EPHA1: variants seen among roughly 807,000 people sequenced by gnomAD.
EPHA1 encodes the protein EPH receptor A1.
In EPHA1, 92 loss-of-function variants were observed where a neutral mutation model predicts 110.1. The observed-to-expected ratio is 0.84, with a 90% confidence interval of 0.71 to 0.99. EPHA1 has a LOEUF of 0.99. Ranked by LOEUF, EPHA1 falls within the 50% of genes least tolerant of loss-of-function variation. EPHA1 has a pLI of 0.00. For missense variants in EPHA1, 1,204 were observed against 1,285.4 expected, an observed-to-expected ratio of 0.94 and a Z score of 0.97; for synonymous variants, 500 against 516.1, an observed-to-expected ratio of 0.97 and a Z score of 0.42.
Position 143,398,660 on chromosome 7 carries a change from G to T in EPHA1, c.1277C>A (p.Ser426Ter), listed in dbSNP as rs1805328001. The change falls in exon 6 of 18, where the codon TCA becomes TAA. Residue 426 changes from serine (S) to a stop codon, truncating the protein, a stop_gained. Coordinates refer to ENST00000275815, the MANE Select transcript of EPHA1 (RefSeq NM_005232.5). LOFTEE classifies it high-confidence loss of function. ...GGCATGGCCAGAGCTGCCCAGCCCT[G>T]ACACTCCATTTTGGGCTTCCACATT... ...TFNVEAQNGV[S>*]GLGSSGHAST... is the part of the protein sequence containing the mutation. The T allele has an allele frequency of 6.2e-7, 1 of 1,613,972 alleles. No individual in the cohort carries two copies. The highest frequency in any genetic ancestry group is 1.3e-5 in the African/African-American group (1 of 74,912).
chr7:143,400,377 A>G (rs915277508), intron 3 of EPHA1, among the ~76,000 whole-genome samples: 1 of 152,216 alleles, frequency 6.6e-6, no homozygotes, highest in Non-Finnish European at 1.5e-5. Flanking sequence ...AGTCCATACA[A>G]TTTCTGCTAT....
intron 1 of EPHA1, among the ~76,000 whole-genome samples, chr7:143,408,502 C>A (rs968221284): frequency 2.0e-5 from 3 of 151,914 alleles, no homozygotes; most frequent in Admixed American, 6.6e-5. Context: ...TGCTGGCCTG[C>A]GGGAGTGGGG....
chr7:143,394,810 G>T lies in EPHA1; in HGVS notation c.2350C>A (p.Gln784Lys). ...LDDFDGTYET[Q>K]GGKIPIRWTA... ...CTGGGTTTGTACCGGCCTCTAACCT[G>T]GGTTTCGTATGTGCCATCAAAGTCA... The change falls in exon 14 of 18, where the codon CAG becomes AAG. Residue 784 changes from glutamine to lysine, a missense_variant and splice_region_variant. By Grantham distance (53) the Gln-to-Lys change is moderately conservative (BLOSUM62 1). Coordinates refer to ENST00000275815, the MANE Select transcript of EPHA1 (RefSeq NM_005232.5). 6.2e-7 allele frequency: 1 copy of T among 1,614,090 alleles called. No individual in the cohort carries two copies. Among genetic ancestry groups the T allele is most frequent in the South Asian group, 1.1e-5 (1 of 91,078 alleles).
Position 143,391,151 on chromosome 7 carries a change from A to T in EPHA1, c.*306T>A. 5.2e-6 allele frequency: 2 copies of T among 382,064 alleles called. No homozygotes were observed. Among genetic ancestry groups the T allele is most frequent in the Non-Finnish European group, 9.5e-6 (2 of 209,684 alleles). The allele number at this position is 382,064 out of a possible 1,614,324, so 23.7% of individuals were successfully genotyped here. ...CTCTTTTGTAGTGCCTGCAGCCCTC[A>T]TGGGTGGGATGGAGGCAGAAAATCA... On this transcript the variant is annotated 3_prime_UTR_variant, in exon 18 of 18. Coordinates refer to ENST00000275815, the MANE Select transcript of EPHA1 (RefSeq NM_005232.5).
At chr7:143,397,540 G>T (rs766683764) in intron 9 of EPHA1, 21 bp downstream of exon 9, 57 of 1,612,910 alleles carry the variant, frequency 3.5e-5, no homozygotes, top group South Asian at 1.9e-4. Flanking sequence ...TGGTGGTTGG[G>T]GAGGGGGCAG....
intron 3 of EPHA1, 40 bp from the exon 4 acceptor site, chr7:143,400,093 G>A (rs1364621220): frequency 6.5e-7 from 1 of 1,545,202 alleles, no homozygotes; most frequent in Non-Finnish European, 8.7e-7. Context: ...CAATGGCAAA[G>A]TCCTGCTTCT....
chr7:143,393,705 G>C lies in EPHA1; in HGVS notation c.2662C>G (p.His888Asp), dbSNP rs537988053. 1.9e-6 allele frequency: 3 copies of C among 1,613,918 alleles called. No homozygotes were observed. Among genetic ancestry groups the C allele is most frequent in the Non-Finnish European group, 2.5e-6 (3 of 1,179,960 alleles). The change falls in exon 16 of 18, where the codon CAC becomes GAC. Residue 888 changes from histidine to aspartate, a missense_variant. Transcript: ENST00000275815. The surrounding 1 kb of genome is among the most constrained non-coding windows in gnomAD (Gnocchi z 5.6). ...AHLEQLLANP[H>D]SLRTIANFDP... is the part of the protein sequence containing the mutation. ...AAGTTGGCAATGGTCCGCAGGGAGT[G>C]GGGGTTGGCAAGCAGTTGCTCCAGA...
chr7:143,401,998 T>G lies in EPHA1; in HGVS notation c.151-393A>C, dbSNP rs1805433174. On this transcript the variant is annotated intron_variant, in intron 2 of 17. Coordinates refer to ENST00000275815, the MANE Select transcript of EPHA1 (RefSeq NM_005232.5). This position sits in a 1 kb window ranked among gnomAD's most constrained non-coding sequence, Gnocchi z 4.1. ...TCGTTCTGTCTGCAGCGCAGTGGTA[T>G]AATCAAAGCTCACTATAGCCTCAAA... 6.6e-6 allele frequency among the ~76,000 whole-genome samples: 1 copy of G among 152,112 alleles called. No individual in the cohort carries two copies. The highest frequency in any genetic ancestry group is 1.5e-5 in the Non-Finnish European group (1 of 68,010).
Position 143,399,760 on chromosome 7 carries a change from T to C in EPHA1, c.726A>G (p.Ser242=), listed in dbSNP as rs755619570. The part of the protein sequence containing the change: ...LPHARASPRP[S]GAPRMHCSPD... Reference sequence around the variant, plus strand: ...GGCTGCAGTGCATGCGGGGTGCACCTGAGGGCCTGGGGCTGGCCCGCGCGT... The same window carrying C: ...GGCTGCAGTGCATGCGGGGTGCACCCGAGGGCCTGGGGCTGGCCCGCGCGT... The change falls in exon 4 of 18, where the codon TCA becomes TCG. Residue 242 remains serine, a synonymous_variant. Coordinates refer to ENST00000275815, the MANE Select transcript of EPHA1 (RefSeq NM_005232.5). 1.2e-6 allele frequency: 2 copies of C among 1,613,338 alleles called. No homozygotes were observed. The highest frequency in any genetic ancestry group is 1.7e-6 in the Non-Finnish European group (2 of 1,179,918).
In EPHA1 at chr7:143,398,583, C is replaced by G. The variant is rs933899257; in HGVS notation, c.1336+18G>C. The stretch of plus-strand genomic sequence containing the variant: ...TGTCTCCACCAGGTCCCTGTCCCAG[C>G]CCCTCTCAGCCTCTCACCTGCATGC... On this transcript the variant is annotated intron_variant, in intron 6 of 17. Coordinates refer to ENST00000275815, the MANE Select transcript of EPHA1 (RefSeq NM_005232.5). The G allele has an allele frequency of 1.1e-5, 17 of 1,609,468 alleles. No homozygotes were observed. The highest frequency in any genetic ancestry group is 1.7e-5 in the Admixed American group (1 of 59,884).
chr7:143,394,384 C>G (rs1319863905), intron 14 of EPHA1, 41 bp from the exon 15 acceptor site: 1 of 1,579,258 alleles, frequency 6.3e-7, no homozygotes, highest in East Asian at 2.2e-5. Context: ...GTTATGGTGT[C>G]CACCTGAGCA....
chr7:143,397,939 C>T lies in EPHA1; in HGVS notation c.1596G>A (p.Glu532=). 8 of 1,614,090 alleles carry T rather than the reference C, an allele frequency of 5.0e-6. No homozygotes were observed. Among genetic ancestry groups the T allele is most frequent in the Non-Finnish European group, 6.8e-6 (8 of 1,179,970 alleles). The change falls in exon 8 of 18, where the codon GAG becomes GAA. Residue 532 remains glutamate, a synonymous_variant. Coordinates refer to ENST00000275815, the MANE Select transcript of EPHA1 (RefSeq NM_005232.5). ...CCCCACCTGGTGGGCTGGTCCGAAA[C>T]TCATGATCAGGGGAGAAAGGGCCAG... ...LGPGPFSPDH[E]FRTSPPVSRG...
At position 143,398,816 on chromosome 7, in the gene EPHA1, T is replaced by G; in HGVS notation, c.1121A>C (p.Gln374Pro). 1 of 1,613,484 alleles carries G rather than the reference T, an allele frequency of 6.2e-7. No homozygotes were observed. Among genetic ancestry groups the G allele is most frequent in the Non-Finnish European group, 8.5e-7 (1 of 1,179,966 alleles). ...GGGCCCCCCGTCCTGTGCTGTGCCC[T>G]GACACTGGGAACACCTCACACTGTA... is the stretch of plus-strand genomic sequence containing the variant. Reference protein sequence around the residue: ...VRYSVRCSQCQGTAQDGGPCQ... With the variant: ...VRYSVRCSQCPGTAQDGGPCQ... Residue 374 changes from glutamine (Q) to proline (P), a missense_variant, in exon 6 of 18, where the codon CAG becomes CCG. Gln to Pro is a moderately conservative substitution (Grantham distance 76). Transcript: ENST00000275815.
rs766943140 is a variant in EPHA1 at position 143,399,923 on chromosome 7, G to A, written c.563C>T (p.Pro188Leu). 4.3e-5 allele frequency: 70 copies of A among 1,613,326 alleles called. No homozygotes were observed. The highest frequency in any genetic ancestry group is 5.4e-5 in the Non-Finnish European group (64 of 1,179,704). The stretch of plus-strand genomic sequence containing the variant: ...AGACACCAGGGCCACACAGGCACCC[G>A]GGTTGTGGAAAGCGAGGTAGAGGCC... ...RRGLYLAFHN[P>L]GACVALVSVR... Residue 188 changes from proline to leucine, a missense_variant, in exon 4 of 18, where the codon CCG becomes CTG. Coordinates refer to ENST00000275815, the MANE Select transcript of EPHA1 (RefSeq NM_005232.5).
chr7:143,397,700 C>T (rs367732092), intron 8 of EPHA1, 43 bp from the exon 9 acceptor site: 199 of 1,609,206 alleles, frequency 1.2e-4, no homozygotes, highest in South Asian at 3.5e-4. Context: ...ACTCACAGTC[C>T]GTAGGAATGA....
At chr7:143,408,607 G>A (rs941171731) in intron 1 of EPHA1, 117 bp downstream of exon 1, 1 of 318,206 alleles carries the variant, frequency 3.1e-6, no homozygotes, top group Non-Finnish European at 5.2e-6. Flanking sequence ...GAGAGAGCTG[G>A]CGAGGGTCTC....
chr7:143,400,033 G>T lies in EPHA1; in HGVS notation c.453C>A (p.Asp151Glu). The T allele has an allele frequency of 3.1e-6, 5 of 1,604,488 alleles. No individual in the cohort carries two copies. Among genetic ancestry groups the T allele is most frequent in the Non-Finnish European group, 4.3e-6 (5 of 1,172,766 alleles). Residue 151 changes from aspartate to glutamate, a missense_variant, in exon 4 of 18, where the codon GAC becomes GAA. By Grantham distance (45) the Asp-to-Glu change is conservative (BLOSUM62 2). Transcript: ENST00000275815. Reference sequence around the variant, plus strand: ...CAAGGTCTCGAATGGTGAAGCTCTGGTCTGCAGCCACCGTGGTTACCTGGG... The same window carrying T: ...CAAGGTCTCGAATGGTGAAGCTCTGTTCTGCAGCCACCGTGGTTACCTGGG... ...LFQKVTTVAA[D>E]QSFTIRDLVS...
intron 1 of EPHA1, chr7:143,407,906 G>A (rs944331070): frequency 1.3e-5 from 5 of 371,394 alleles, no homozygotes; most frequent in African/African-American, 1.0e-4. Flanking sequence ...GTGGGACAAG[G>A]GTTGGGGCGC....
chr7:143,394,002 AGTGGGAGGATCAGG>A, intron 15 of EPHA1, 138 bp from the exon 16 acceptor site: 2 of 1,243,818 alleles, frequency 1.6e-6, no homozygotes, highest in Non-Finnish European at 2.2e-6. Flanking sequence ...GGACGATCAC[AGTGGGAGGATCAGG>A]GTGGGAGGAG....
Sources: gnomAD v4.1 joint callset for allele counts (sites outside exome capture counted in the v4.1 genomes callset) on GRCh38, gnomAD v4.1.1 for gene constraint, Gnocchi (gnomAD v3.1) non-coding constraint, MANE v1.5 for transcripts, NCBI Gene and HGNC (gene_info 2026-07-23, HGNC 2026-07-21) for gene names.